The following CABCOCO1 variants were observed in gnomAD, a reference collection of about 807,000 sequenced individuals.
The protein encoded by CABCOCO1 is ciliary-associated calcium-binding coiled-coil protein 1.
CABCOCO1 carries 28 observed loss-of-function variants against 35.7 expected under a neutral mutation model. That is an observed-to-expected ratio of 0.78 (90% CI 0.58 to 1.07). The LOEUF (loss-of-function observed/expected upper bound fraction) is 1.07. Among genes scored for constraint, CABCOCO1 ranks in the 50% least tolerant of loss-of-function variants. The probability of loss-of-function intolerance (pLI) is 0.00; values close to 1 mark genes in which losing one functional copy is unlikely to be tolerated. For missense variants in CABCOCO1, 326 were observed against 309.2 expected, an observed-to-expected ratio of 1.05 and a Z score of -0.41; for synonymous variants, 95 against 100.1, an observed-to-expected ratio of 0.95 and a Z score of 0.30.
intron 5 of CABCOCO1, chr10:61,701,811 G>A (rs1320319688): frequency 2.0e-6 from 2 of 982,542 alleles, no homozygotes; most frequent in Non-Finnish European, 2.4e-6. Flanking sequence ...CAAGACCAGA[G>A]GCCTCTGAAA....
chr10:61,759,575 C>A (rs530685430), intron 5 of CABCOCO1, among the ~76,000 whole-genome samples: 3 of 152,132 alleles, frequency 2.0e-5, no homozygotes, highest in Admixed American at 6.6e-5. Flanking sequence ...ATATATTAAT[C>A]TTTGCAGCCC....
chr10:61,666,966 A>G lies in CABCOCO1; in HGVS notation c.60+3934A>G, dbSNP rs976641693. Among the ~76,000 whole-genome samples, 6 of 140,834 alleles carry G rather than the reference A, an allele frequency of 4.3e-5. No homozygotes were observed. In the East Asian group the frequency reaches 5.9e-4, roughly 14 times the overall value. The allele number at this position is 140,834 out of a possible 152,430, so 92.4% of individuals were successfully genotyped here. ...TTATATATTATGTATAAATATAATT[A>G]TATATTATATATAAATATAATTATA... On this transcript the variant is annotated intron_variant, in intron 1 of 7. Transcript: ENST00000648843.
At chr10:61,678,729 C>T (rs1839603332) in intron 2 of CABCOCO1, among the ~76,000 whole-genome samples, 1 of 151,884 alleles carries the variant, frequency 6.6e-6, no homozygotes, top group Non-Finnish European at 1.5e-5. Context: ...TTTTATTCAA[C>T]AGAAAAAAAG....
chr10:61,708,096 C>T (rs1386639374), intron 5 of CABCOCO1, among the ~76,000 whole-genome samples: 1 of 151,580 alleles, frequency 6.6e-6, no homozygotes, highest in Non-Finnish European at 1.5e-5. Flanking sequence ...TTGGCATTTG[C>T]AATCTATTAC....
Position 61,693,657 on chromosome 10 carries a change from T to C in CABCOCO1, c.552+3036T>C, listed in dbSNP as rs746856595. Among the ~76,000 whole-genome samples, 100 of 152,096 alleles carry C rather than the reference T, an allele frequency of 6.6e-4. 3 individuals carry two copies. The highest frequency in any genetic ancestry group is 7.2e-5 in the African/African-American group (3 of 41,434). ...AAAACCAGACATCACTGCTTTTTAATAAAATTATACAAAACCCCATATATA... is the reference window on the plus strand; with the variant it reads ...AAAACCAGACATCACTGCTTTTTAACAAAATTATACAAAACCCCATATATA... On this transcript the variant is annotated intron_variant, in intron 5 of 7. Coordinates refer to ENST00000648843, the MANE Select transcript of CABCOCO1 (RefSeq NM_001366906.2).
In CABCOCO1 at chr10:61,766,089, G is replaced by C. The variant is rs139238360; in HGVS notation, c.*76G>C. ...CAGCCAGAATAACAGACTCTCTGGA[G>C]CGTCGTGTCTCCATCACTTAGTTGT... On this transcript the variant is annotated 3_prime_UTR_variant, in exon 8 of 8. Transcript: ENST00000648843. The C allele has an allele frequency of 7.6e-7, 1 of 1,313,902 alleles. No individual in the cohort carries two copies. The highest frequency in any genetic ancestry group is 1.1e-6 in the Non-Finnish European group (1 of 931,398). The allele number at this position is 1,313,902 out of a possible 1,614,324, so 81.4% of individuals were successfully genotyped here. A position where few individuals can be genotyped will look rare whatever the true frequency, so the allele number is the denominator to read the frequency against.
At chr10:61,675,057 G>A (rs1564530069) in intron 2 of CABCOCO1, among the ~76,000 whole-genome samples, 1 of 152,052 alleles carries the variant, frequency 6.6e-6, no homozygotes, top group African/African-American at 2.4e-5. Context: ...CCATTGTCAA[G>A]AACATGCAAG....
chr10:61,694,522 A>G (rs892873523), intron 5 of CABCOCO1, among the ~76,000 whole-genome samples: 6 of 151,826 alleles, frequency 4.0e-5, no homozygotes, highest in Non-Finnish European at 5.9e-5. Context: ...AATGAATCCA[A>G]TTTATTAACA....
intron 5 of CABCOCO1, among the ~76,000 whole-genome samples, chr10:61,748,066 T>C (rs1297716590): frequency 6.6e-6 from 1 of 151,810 alleles, no homozygotes; most frequent in East Asian, 1.9e-4. Flanking sequence ...ATAGGATGAA[T>C]ATGGAAAAGC....
chr10:61,766,008 G>T lies in CABCOCO1; in HGVS notation c.886G>T (p.Ala296Ser). 3 of 1,612,122 alleles carry T rather than the reference G, an allele frequency of 1.9e-6. No individual in the cohort carries two copies. Among genetic ancestry groups the T allele is most frequent in the Non-Finnish European group, 2.5e-6 (3 of 1,178,520 alleles). Residue 296 changes from alanine (A) to serine (S), a missense_variant, in exon 8 of 8, where the codon GCC becomes TCC. Ala to Ser is a moderately conservative substitution (Grantham distance 99). Coordinates refer to ENST00000648843, the MANE Select transcript of CABCOCO1 (RefSeq NM_001366906.2). ...TGCACGAATAGAAAAATTGAAAAAG[G>T]CCTAAGGACTTGGTACAAGGAGAGT... is the stretch of plus-strand genomic sequence containing the variant. ...FNARIEKLKK[A>S]
chr10:61,730,148 T>G (rs1841267171), intron 5 of CABCOCO1, among the ~76,000 whole-genome samples: 1 of 144,420 alleles, frequency 6.9e-6, no homozygotes, highest in African/African-American at 2.5e-5. Flanking sequence ...CAGCTCTTGG[T>G]TTCTAAATAC....
intron 5 of CABCOCO1, among the ~76,000 whole-genome samples, chr10:61,727,799 C>T (rs112700755): frequency 6.6e-6 from 1 of 152,152 alleles, no homozygotes; most frequent in Non-Finnish European, 1.5e-5. Context: ...TTTAAATGTT[C>T]CTTGAGCTGG....
intron 5 of CABCOCO1, among the ~76,000 whole-genome samples, chr10:61,721,028 C>A (rs1841001734): frequency 6.7e-6 from 1 of 148,644 alleles, no homozygotes. Context: ...GGGTTCACGC[C>A]ATTCTCCCGC....
chr10:61,757,349 CTT>C (rs1788737100), intron 5 of CABCOCO1, among the ~76,000 whole-genome samples: 1 of 151,910 alleles, frequency 6.6e-6, no homozygotes. Flanking sequence ...AATGAAAAGA[CTT>C]TATATTTACC....
In CABCOCO1 at chr10:61,721,691, T is replaced by C. The variant is rs1841025863; in HGVS notation, c.552+31070T>C. ...CTGACTTCTCTTTCCTCCCACCATT[T>C]TACTTCCTGCTTGTGGCTCCCTTTC... On this transcript the variant is annotated intron_variant, in intron 5 of 7. Transcript: ENST00000648843. Among the ~76,000 whole-genome samples, 3 of 152,106 alleles carry C rather than the reference T, an allele frequency of 2.0e-5. 1 individual carries two copies. The South Asian group carries it at 6.2e-4, about 32-fold the overall frequency.
At chr10:61,683,339 C>A (rs1364276601) in intron 3 of CABCOCO1, among the ~76,000 whole-genome samples, 2 of 152,012 alleles carry the variant, frequency 1.3e-5, no homozygotes, top group Admixed American at 6.5e-5. Context: ...GCAAGAGGAG[C>A]ATTTGAGGCC....
rs762687288 is a variant in CABCOCO1, at chr10:61,672,469, G to A, written c.61-163G>A. On this transcript the variant is annotated intron_variant, in intron 1 of 7. Coordinates refer to ENST00000648843, the MANE Select transcript of CABCOCO1 (RefSeq NM_001366906.2). ...TTTGACTTTTCAGGTGAAAGGTACC[G>A]TTGCATAATATGGAAAAGAAAAGAT... 7.2e-5 allele frequency among the ~76,000 whole-genome samples: 11 copies of A among 152,284 alleles called. No homozygotes were observed. In the East Asian group the frequency reaches 7.7e-4, roughly 11 times the overall value.
chr10:61,746,161 A>G (rs1841655677), intron 5 of CABCOCO1, among the ~76,000 whole-genome samples: 1 of 152,206 alleles, frequency 6.6e-6, no homozygotes, highest in East Asian at 1.9e-4. Context: ...TTTTAATAAT[A>G]ATCACAATAA....
chr10:61,749,295 T>G (rs975901105), intron 5 of CABCOCO1, among the ~76,000 whole-genome samples: 1 of 152,238 alleles, frequency 6.6e-6, no homozygotes, highest in Non-Finnish European at 1.5e-5. Context: ...ATTTTTTAAC[T>G]GTCTAGGTTA....
Sources: allele counts gnomAD v4.1 joint callset (sites outside exome capture counted in the v4.1 genomes callset), GRCh38; gene constraint gnomAD v4.1.1; transcripts MANE v1.5; gene names NCBI Gene and HGNC (gene_info 2026-07-23, HGNC 2026-07-21).